Variants in CSMD1 observed in about 807,000 individuals in gnomAD.
CSMD1 encodes the protein CUB and sushi domain-containing protein 1.
Under a neutral mutation model 417.5 loss-of-function variants are expected in CSMD1, and 213 were observed. The ratio of observed to expected loss-of-function variants is 0.51; its 90% CI spans 0.46 to 0.57. CSMD1 has a LOEUF of 0.57. Ranked by LOEUF, CSMD1 falls within the 20% of genes least tolerant of loss-of-function variation. The probability of loss-of-function intolerance (pLI) is 0.00; values close to 1 mark genes in which losing one functional copy is unlikely to be tolerated. For synonymous variants in CSMD1, 2,862 were observed against 1,736.8 expected (o/e 1.65, Z -16.11); for missense variants, 6,923 against 4,529.7 (o/e 1.53, Z -15.17).
At chr8:4,455,056 T>TAG (rs1799385053) in intron 2 of CSMD1, among the ~76,000 whole-genome samples, 1 of 152,122 alleles carries the variant, frequency 6.6e-6, no homozygotes, top group South Asian at 2.1e-4. Context: ...TCACCATGTT[T>TAG]AGGCTGGGAA....
chr8:4,270,618 T>C (rs1360179000), intron 3 of CSMD1, among the ~76,000 whole-genome samples: 2 of 152,188 alleles, frequency 1.3e-5, no homozygotes, highest in Non-Finnish European at 1.5e-5. Flanking sequence ...ATTTTGACTC[T>C]GATAGAATTA....
intron 4 of CSMD1, among the ~76,000 whole-genome samples, chr8:4,003,380 A>C (rs951728442): frequency 4.6e-5 from 7 of 151,722 alleles, no homozygotes; most frequent in African/African-American, 1.7e-4. Context: ...GCGACACAGC[A>C]AGACACTGTC....
chr8:3,571,248 A>G (rs1022626200), intron 10 of CSMD1, among the ~76,000 whole-genome samples: 1 of 152,142 alleles, frequency 6.6e-6, no homozygotes, highest in Non-Finnish European at 1.5e-5. Flanking sequence ...TTCCTCGGCT[A>G]ACAACACACC....
chr8:3,483,612 T>C (rs1021330258), intron 11 of CSMD1, among the ~76,000 whole-genome samples: 3 of 152,218 alleles, frequency 2.0e-5, no homozygotes, highest in Middle Eastern at 3.4e-3. Flanking sequence ...GAAAATATTT[T>C]ATAGCCATTA....
At chr8:4,337,603 C>G (rs1800242199) in intron 3 of CSMD1, among the ~76,000 whole-genome samples, 1 of 152,132 alleles carries the variant, frequency 6.6e-6, no homozygotes, top group Non-Finnish European at 1.5e-5. Context: ...ATTCTGTGGA[C>G]AGTAAATATT....
At chr8:3,721,445 G>A (rs1802169918) in intron 6 of CSMD1, among the ~76,000 whole-genome samples, 1 of 152,066 alleles carries the variant, frequency 6.6e-6, no homozygotes, top group South Asian at 2.1e-4. Context: ...CAGTTAGCTG[G>A]CACATATGGG....
chr8:3,970,392 C>A (rs539824166), intron 5 of CSMD1, among the ~76,000 whole-genome samples: 78 of 152,198 alleles, frequency 5.1e-4, no homozygotes, highest in African/African-American at 1.9e-3. Flanking sequence ...AAATCTGAAA[C>A]GAGATTGATT....
At chr8:4,873,782 G>A (rs1440597007) in intron 1 of CSMD1, among the ~76,000 whole-genome samples, 3 of 152,042 alleles carry the variant, frequency 2.0e-5, no homozygotes, top group Non-Finnish European at 2.9e-5. Flanking sequence ...GTAGCACTGT[G>A]TTTGAAGCTG....
chr8:4,813,457 C>A (rs1015893346), intron 1 of CSMD1, among the ~76,000 whole-genome samples: 1 of 152,232 alleles, frequency 6.6e-6, no homozygotes, highest in Non-Finnish European at 1.5e-5. Flanking sequence ...TTCCTAGATA[C>A]AACAGAACGT....
intron 1 of CSMD1, among the ~76,000 whole-genome samples, chr8:4,974,305 C>T (rs564727530): frequency 6.6e-5 from 10 of 152,050 alleles, no homozygotes; most frequent in South Asian, 2.1e-4. Context: ...GGATTACAGG[C>T]GCAAGATTTT....
chr8:3,380,373 G>A (rs933519659), intron 18 of CSMD1, among the ~76,000 whole-genome samples: 14 of 152,160 alleles, frequency 9.2e-5, no homozygotes, highest in Admixed American at 5.9e-4. Flanking sequence ...ATTTGACTCA[G>A]AAATCCCATT....
chr8:3,838,125 A>G (rs1802825612), intron 5 of CSMD1, among the ~76,000 whole-genome samples: 1 of 152,148 alleles, frequency 6.6e-6, no homozygotes, highest in Non-Finnish European at 1.5e-5. Context: ...ATTAGAAAAC[A>G]GCCGCAAATA....
intron 41 of CSMD1, among the ~76,000 whole-genome samples, chr8:3,138,719 T>C (rs925468938): frequency 2.0e-5 from 3 of 152,148 alleles, no homozygotes; most frequent in Non-Finnish European, 4.4e-5. Context: ...GAAAGGACTG[T>C]GGCTGCTGGA....
chr8:4,838,409 G>A (rs1012926735), intron 1 of CSMD1, among the ~76,000 whole-genome samples: 2 of 152,128 alleles, frequency 1.3e-5, no homozygotes, highest in African/African-American at 4.8e-5. Context: ...CCTGATATTT[G>A]TTCTATGGTA....
chr8:3,568,391 T>C (rs1468613657), intron 10 of CSMD1, among the ~76,000 whole-genome samples: 1 of 152,114 alleles, frequency 6.6e-6, no homozygotes, highest in African/African-American at 2.4e-5. Flanking sequence ...TTTTTGTCAA[T>C]TATACATCAA....
chr8:3,184,583 C>T (rs747712964), intron 36 of CSMD1, among the ~76,000 whole-genome samples: 3 of 152,180 alleles, frequency 2.0e-5, no homozygotes. Context: ...TTGTTCTGCA[C>T]ACAAAATAAC....
intron 4 of CSMD1, among the ~76,000 whole-genome samples, chr8:4,027,076 G>A (rs1020057435): frequency 1.3e-5 from 2 of 152,180 alleles, no homozygotes; most frequent in East Asian, 3.9e-4. Flanking sequence ...AGGCCAGCCA[G>A]GATAGGTCGG....
At chr8:4,728,979 G>C (rs1809663397) in intron 1 of CSMD1, among the ~76,000 whole-genome samples, 1 of 152,156 alleles carries the variant, frequency 6.6e-6, no homozygotes, top group Non-Finnish European at 1.5e-5. Context: ...CTGCATTTTA[G>C]AGGAGGGAGA....
rs180826963 is a variant in CSMD1, at chr8:3,244,027, T to A, written c.4154-13796A>T. On this transcript the variant is annotated intron_variant, in intron 26 of 69. Transcript: ENST00000635120. Reference sequence around the variant, plus strand: ...TCCCTGCGTACCTCGATAGATAAAATGCTTCTCACATCTGTAGAAAAATAC... The same window carrying A: ...TCCCTGCGTACCTCGATAGATAAAAAGCTTCTCACATCTGTAGAAAAATAC... Among the ~76,000 whole-genome samples the A allele has an allele frequency of 7.2e-5, 11 of 152,310 alleles. No homozygotes were observed. The East Asian group carries it at 2.1e-3, about 29-fold the overall frequency.
Sources: allele counts gnomAD v4.1 joint callset (sites outside exome capture counted in the v4.1 genomes callset), GRCh38; gene constraint gnomAD v4.1.1; transcripts MANE v1.5; gene names NCBI Gene and HGNC (gene_info 2026-07-23, HGNC 2026-07-21).